EIF4E: variants seen among roughly 807,000 people sequenced by gnomAD.
The protein encoded by EIF4E is eIF-4F 25 kDa subunit.
For missense variants in EIF4E, 113 were observed against 265.6 expected (o/e 0.43, Z 3.99); for synonymous variants, 71 against 88.5 (o/e 0.80, Z 1.11).
At chr4:98,895,765 A>G (rs1724353317) in intron 2 of EIF4E, among the ~76,000 whole-genome samples, 1 of 152,200 alleles carries the variant, frequency 6.6e-6, no homozygotes, top group Admixed American at 6.5e-5. Context: ...ATAAAGATCT[A>G]TGGGGCCAGG....
intron 5 of EIF4E, 104 bp downstream of exon 5, chr4:98,886,975 G>T: frequency 8.4e-7 from 1 of 1,191,262 alleles, no homozygotes; most frequent in Non-Finnish European, 1.2e-6. Flanking sequence ...CTAGTGTTGG[G>T]CATCCTTCTC....
rs187334119 is a variant in EIF4E, at chr4:98,918,071, A to C, written c.18+11024T>G. ...CAACAGTGAGACCCTGTCTCAAAAA[A>C]ATTTTTTTTTGCCAGGTGTGGTGGC... On this transcript the variant is annotated intron_variant, in intron 1 of 6. Transcript: ENST00000450253. 2.9e-3 allele frequency among the ~76,000 whole-genome samples: 425 copies of C among 147,276 alleles called. 3 individuals carry two copies. The highest frequency in any genetic ancestry group is 9.6e-3 in the African/African-American group (381 of 39,494).
intron 1 of EIF4E, among the ~76,000 whole-genome samples, chr4:98,919,718 C>T (rs959686800): frequency 6.6e-6 from 1 of 151,868 alleles, no homozygotes; most frequent in African/African-American, 2.4e-5. Flanking sequence ...GCCACCACAC[C>T]CAGCTAATTT....
At chr4:98,888,935 T>G (rs1267948379) in intron 3 of EIF4E, among the ~76,000 whole-genome samples, 1 of 151,804 alleles carries the variant, frequency 6.6e-6, no homozygotes, top group Non-Finnish European at 1.5e-5. Flanking sequence ...CCGAGGCAGG[T>G]GGATCATGAG....
chr4:98,879,404 A>G lies in EIF4E; in HGVS notation c.*1624T>C, dbSNP rs1433448593. On this transcript the variant is annotated 3_prime_UTR_variant, in exon 7 of 7. Coordinates refer to ENST00000450253, the MANE Select transcript of EIF4E (RefSeq NM_001968.5). ...AATAATAATTTCCATTCTGCTACCT[A>G]CAGTTTGGCTTATCCTTTGGTCTGA... 6.6e-6 allele frequency: 1 copy of G among 152,154 alleles called. No homozygotes were observed. Among genetic ancestry groups the G allele is most frequent in the African/African-American group, 2.4e-5 (1 of 41,444 alleles). The allele number at this position is 152,154 out of a possible 1,614,324, so 9.4% of individuals were successfully genotyped here.
At chr4:98,927,341 T>A in intron 1 of EIF4E, among the ~76,000 whole-genome samples, 1 of 151,114 alleles carries the variant, frequency 6.6e-6, no homozygotes, top group South Asian at 2.1e-4. Context: ...TCTATAAGAG[T>A]TTTTGAAATA....
chr4:98,923,198 G>C (rs1271602259), intron 1 of EIF4E, among the ~76,000 whole-genome samples: 1 of 147,128 alleles, frequency 6.8e-6, no homozygotes, highest in Non-Finnish European at 1.5e-5. Context: ...GTTCCAACTG[G>C]GGAAACAAAA....
At chr4:98,928,947 T>C (rs868316972) in intron 1 of EIF4E, 148 bp downstream of exon 1, 1 of 1,578,052 alleles carries the variant, frequency 6.3e-7, no homozygotes, top group Non-Finnish European at 8.6e-7. Context: ...CGTCCCCACT[T>C]GTCCGCGGGA....
intron 1 of EIF4E, among the ~76,000 whole-genome samples, chr4:98,921,891 T>C (rs1008043127): frequency 1.3e-5 from 2 of 152,216 alleles, no homozygotes; most frequent in Non-Finnish European, 2.9e-5. Context: ...TAAGTGTCCA[T>C]CCACTTTCTT....
At chr4:98,908,090 A>T (rs1366526448) in intron 1 of EIF4E, among the ~76,000 whole-genome samples, 1 of 152,176 alleles carries the variant, frequency 6.6e-6, no homozygotes, top group African/African-American at 2.4e-5. Context: ...TGGTAACCTA[A>T]ACTACCTAGG....
In EIF4E at chr4:98,924,604, T is replaced by A. The variant is rs546199669; in HGVS notation, c.18+4491A>T. ...TGAAATTTGTTTCTGTTTTTTTTTT[T>A]ATTCTTTTTGATGGAGTCTTGCTCT... On this transcript the variant is annotated intron_variant, in intron 1 of 6. Transcript: ENST00000450253. Among the ~76,000 whole-genome samples, 3 of 152,052 alleles carry A rather than the reference T, an allele frequency of 2.0e-5. No individual in the cohort carries two copies. The South Asian group carries it at 6.2e-4, about 32-fold the overall frequency.
intron 2 of EIF4E, among the ~76,000 whole-genome samples, chr4:98,891,895 G>A (rs1355013744): frequency 6.6e-6 from 1 of 152,148 alleles, no homozygotes; most frequent in African/African-American, 2.4e-5. Flanking sequence ...TAAAAGATAT[G>A]TATGTTATGT....
In EIF4E at chr4:98,887,760, T is replaced by A; in HGVS notation, c.285+129A>T. ...AAGATATATTGATACTAAAGCATAC[T>A]ACAGCCAATTAAATTATCAGCCTAT... On this transcript the variant is annotated intron_variant, in intron 4 of 6. Coordinates refer to ENST00000450253, the MANE Select transcript of EIF4E (RefSeq NM_001968.5). The surrounding 1 kb of genome is among the most constrained non-coding windows in gnomAD (Gnocchi z 4.0). 1 of 795,736 alleles carries A rather than the reference T, an allele frequency of 1.3e-6. No homozygotes were observed. Among genetic ancestry groups the A allele is most frequent in the Non-Finnish European group, 2.1e-6 (1 of 474,950 alleles). 49.3% of individuals were successfully genotyped at this position (795,736 alleles called of 1,614,324 possible).
chr4:98,922,552 T>G, intron 1 of EIF4E, among the ~76,000 whole-genome samples: 1 of 133,296 alleles, frequency 7.5e-6, no homozygotes, highest in Non-Finnish European at 1.6e-5. Flanking sequence ...AGACGCTGTC[T>G]CAAAAAAAAA....
chr4:98,907,614 T>A (rs1156472387), intron 1 of EIF4E, among the ~76,000 whole-genome samples: 1 of 152,182 alleles, frequency 6.6e-6, no homozygotes, highest in African/African-American at 2.4e-5. Context: ...GGTTTATCAG[T>A]CCCTGATGCA....
intron 2 of EIF4E, 54 bp downstream of exon 2, chr4:98,901,822 T>A: frequency 7.3e-6 from 11 of 1,506,482 alleles, no homozygotes; most frequent in Non-Finnish European, 1.0e-5. Context: ...ACTTGCCCCA[T>A]TCACAATTTA....
intron 1 of EIF4E, 131 bp downstream of exon 1, chr4:98,928,964 G>C: frequency 1.3e-6 from 2 of 1,578,218 alleles, no homozygotes; most frequent in South Asian, 1.2e-5. Context: ...GGGAGGTCAG[G>C]TCCAACATGA....
At chr4:98,928,790 G>A in intron 1 of EIF4E, 2 of 1,425,664 alleles carry the variant, frequency 1.4e-6, no homozygotes, top group South Asian at 2.8e-5. Flanking sequence ...CGCATACCCA[G>A]CCCAGAACCC....
At chr4:98,881,339 T>C (rs1723684616) in intron 6 of EIF4E, among the ~76,000 whole-genome samples, 197 bp from the exon 7 acceptor site, 1 of 152,246 alleles carries the variant, frequency 6.6e-6, no homozygotes, top group South Asian at 2.1e-4. Context: ...GTTAATTACT[T>C]TTAAAATATT....
Sources: allele counts gnomAD v4.1 joint callset (sites outside exome capture counted in the v4.1 genomes callset), GRCh38; gene constraint gnomAD v4.1.1; non-coding constraint Gnocchi (gnomAD v3.1); transcripts MANE v1.5; gene names NCBI Gene and HGNC (gene_info 2026-07-23, HGNC 2026-07-21).